Variants in AIDA observed in about 807,000 individuals in gnomAD.
AIDA encodes axin interactor, dorsalization-associated protein.
AIDA carries 18 observed loss-of-function variants against 42.7 expected under a neutral mutation model. The observed-to-expected ratio is 0.42, with a 90% CI of 0.29 to 0.63. AIDA has a LOEUF of 0.63. Ranked by LOEUF, AIDA falls within the 20% of genes least tolerant of loss-of-function variation. The probability of loss-of-function intolerance (pLI) is 0.19; values close to 1 mark genes in which losing one functional copy is unlikely to be tolerated. For synonymous variants in AIDA, 104 were observed against 122.9 expected (o/e 0.85, Z 1.02); for missense variants, 250 against 354.1 (o/e 0.71, Z 2.36).
intron 4 of AIDA, among the ~76,000 whole-genome samples, chr1:222,688,298 T>C (rs1323765989): frequency 6.6e-6 from 1 of 152,224 alleles, no homozygotes; most frequent in African/African-American, 2.4e-5. Context: ...AAACTGGTAG[T>C]TTGTAGCAGC....
Position 222,687,001 on chromosome 1 carries a change from T to C in AIDA, c.389A>G (p.Glu130Gly). Residue 130 changes from glutamate (E) to glycine (G), a missense_variant, in exon 6 of 10, where the codon GAA (glutamate) becomes GGA (glycine). Transcript: ENST00000340020. ...ILAPGEEENL[E>G]FEEDEEEGGA... is the part of the protein sequence containing the mutation. ...ACCCTCTTCTTCATCTTCTTCAAAT[T>C]CCAAATTCTCTTCTTCACCAGGTGC... is the stretch of plus-strand genomic sequence containing the variant. 1 of 1,613,530 alleles carries C rather than the reference T, an allele frequency of 6.2e-7. No individual in the cohort carries two copies. Among genetic ancestry groups the C allele is most frequent in the Non-Finnish European group, 8.5e-7 (1 of 1,179,892 alleles).
chr1:222,695,977 C>A (rs1226613185), intron 2 of AIDA, among the ~76,000 whole-genome samples: 1 of 151,802 alleles, frequency 6.6e-6, no homozygotes, highest in African/African-American at 2.4e-5. Context: ...ACCACATCTA[C>A]AATAAACGGC....
chr1:222,702,459 C>A (rs1473370115), intron 2 of AIDA, among the ~76,000 whole-genome samples: 1 of 151,900 alleles, frequency 6.6e-6, no homozygotes, highest in African/African-American at 2.4e-5. Context: ...TTGTTTCCTC[C>A]CATTCCTTCT....
chr1:222,683,793 G>A (rs776837952), intron 6 of AIDA, among the ~76,000 whole-genome samples: 12 of 152,074 alleles, frequency 7.9e-5, no homozygotes, highest in Non-Finnish European at 1.8e-4. Context: ...ACTATCTTTA[G>A]AAAAGTTAAC....
chr1:222,700,820 T>C (rs1655670568), intron 2 of AIDA, among the ~76,000 whole-genome samples: 2 of 151,610 alleles, frequency 1.3e-5, no homozygotes, highest in Non-Finnish European at 2.9e-5. Flanking sequence ...ACAGTGGCCA[T>C]GTGGCTGCTA....
intron 4 of AIDA, among the ~76,000 whole-genome samples, chr1:222,689,162 G>A (rs185482854): frequency 8.6e-4 from 131 of 152,008 alleles, no homozygotes; most frequent in Admixed American, 1.8e-3. Context: ...ATTGTGGCTG[G>A]CGCATTGGTT....
intron 4 of AIDA, among the ~76,000 whole-genome samples, chr1:222,690,338 A>T (rs924393746): frequency 6.6e-6 from 1 of 152,226 alleles, no homozygotes; most frequent in East Asian, 1.9e-4. Flanking sequence ...CAATGATTAC[A>T]TTCTGGCATG....
At chr1:222,678,200 GGTGTGT>G (rs71732365) in intron 6 of AIDA, among the ~76,000 whole-genome samples, 4,792 of 145,334 alleles carry the variant, frequency 0.033, 156 homozygotes, top group East Asian at 0.094. Flanking sequence ...TATATCTTGG[GGTGTGT>G]GTGTGTGTGT....
intron 6 of AIDA, among the ~76,000 whole-genome samples, chr1:222,683,377 G>T (rs140016986): frequency 4.6e-5 from 7 of 152,072 alleles, no homozygotes; most frequent in African/African-American, 1.7e-4. Context: ...TCATTTCAGC[G>T]GAAAATAAAA....
Position 222,695,741 on chromosome 1 carries a change from G to T in AIDA, c.181-1478C>A, listed in dbSNP as rs542410260. ...GAGATACTTCTTAAGTTTTTATTAGGAATAAATCCAGATCATAAAAGTATT... is the reference window on the plus strand; with the variant it reads ...GAGATACTTCTTAAGTTTTTATTAGTAATAAATCCAGATCATAAAAGTATT... On this transcript the variant is annotated intron_variant, in intron 2 of 9. Transcript: ENST00000340020. 4.6e-5 allele frequency among the ~76,000 whole-genome samples: 7 copies of T among 152,182 alleles called. No homozygotes were observed. In the South Asian group the frequency reaches 1.5e-3, roughly 32 times the overall value.
intron 6 of AIDA, among the ~76,000 whole-genome samples, chr1:222,684,676 G>C (rs1212977033): frequency 6.6e-6 from 1 of 152,090 alleles, no homozygotes; most frequent in Non-Finnish European, 1.5e-5. Flanking sequence ...GACTAGAAAG[G>C]TTCAGTAAGG....
chr1:222,698,462 T>C (rs1655581467), intron 2 of AIDA, among the ~76,000 whole-genome samples: 1 of 151,358 alleles, frequency 6.6e-6, no homozygotes, highest in Non-Finnish European at 1.5e-5. Context: ...TTTTTTTTTT[T>C]TTTTTTGAGA....
intron 7 of AIDA, among the ~76,000 whole-genome samples, 188 bp downstream of exon 7, chr1:222,675,908 A>G (rs1237743084): frequency 6.6e-6 from 1 of 152,182 alleles, no homozygotes; most frequent in Non-Finnish European, 1.5e-5. Flanking sequence ...AAATAAGTAA[A>G]TCTCTCAGAA....
intron 2 of AIDA, among the ~76,000 whole-genome samples, chr1:222,701,262 G>C (rs1655695927): frequency 6.6e-6 from 1 of 152,008 alleles, no homozygotes; most frequent in African/African-American, 2.4e-5. Flanking sequence ...CATGCCCAGT[G>C]GTATTTTTCT....
chr1:222,693,295 C>CA (rs1655422726), intron 4 of AIDA, among the ~76,000 whole-genome samples: 1 of 151,898 alleles, frequency 6.6e-6, no homozygotes, highest in Non-Finnish European at 1.5e-5. Flanking sequence ...TCTAAACCAG[C>CA]AAAAAAGCTT....
intron 1 of AIDA, among the ~76,000 whole-genome samples, chr1:222,706,915 G>A (rs113041842): frequency 0.016 from 2,384 of 151,396 alleles, 64 homozygotes; most frequent in African/African-American, 0.054. Flanking sequence ...TGAAATGTCT[G>A]GAAAAGACAG....
chr1:222,696,680 T>C (rs1379244827), intron 2 of AIDA, among the ~76,000 whole-genome samples: 1 of 152,210 alleles, frequency 6.6e-6, no homozygotes, highest in Admixed American at 6.5e-5. Flanking sequence ...GCAATATTTT[T>C]ATATCAATAC....
chr1:222,698,223 A>T (rs1047188795), intron 2 of AIDA, among the ~76,000 whole-genome samples: 23 of 152,198 alleles, frequency 1.5e-4, no homozygotes, highest in African/African-American at 4.8e-4. Flanking sequence ...TTAAGAATTT[A>T]AAAAATGAAG....
intron 4 of AIDA, among the ~76,000 whole-genome samples, chr1:222,689,569 GTA>G (rs201614137): frequency 3.7e-4 from 37 of 100,456 alleles, no homozygotes; most frequent in African/African-American, 1.0e-3. Flanking sequence ...GTATATATAT[GTA>G]TATATATATA....
Sources: gnomAD v4.1 joint callset for allele counts (sites outside exome capture counted in the v4.1 genomes callset) on GRCh38, gnomAD v4.1.1 for gene constraint, MANE v1.5 for transcripts, NCBI Gene and HGNC (gene_info 2026-07-23, HGNC 2026-07-21) for gene names.